The following LAPTM4B variants were observed in gnomAD, a reference collection of about 807,000 sequenced individuals.
LAPTM4B encodes the protein lysosomal protein transmembrane 4 beta.
LAPTM4B carries 26 observed loss-of-function variants against 28.5 expected under a neutral mutation model. The ratio of observed to expected loss-of-function variants is 0.91; its 90% confidence interval spans 0.67 to 1.27. The LOEUF (loss-of-function observed/expected upper bound fraction) is 1.27. Among genes scored for constraint, LAPTM4B ranks in the 50% most tolerant of loss-of-function variants. The pLI, the probability that LAPTM4B is intolerant of heterozygous loss-of-function variation, is 0.00. For synonymous variants in LAPTM4B, 109 were observed against 106.4 expected (o/e 1.02, Z -0.15); for missense variants, 288 against 285.8 (o/e 1.01, Z -0.06).
At chr8:97,815,492 G>A in intron 3 of LAPTM4B, 91 bp downstream of exon 3, 1 of 877,776 alleles carries the variant, frequency 1.1e-6, no homozygotes. Flanking sequence ...TGACTTTCCA[G>A]TTTTCTGTTA....
chr8:97,838,996 C>T (rs1003183988), intron 6 of LAPTM4B, among the ~76,000 whole-genome samples: 2 of 152,184 alleles, frequency 1.3e-5, no homozygotes, highest in East Asian at 1.9e-4. Flanking sequence ...GTCATATGCG[C>T]ATACAGCTTC....
chr8:97,795,278 A>AT (rs541717158), intron 1 of LAPTM4B, among the ~76,000 whole-genome samples: 6 of 151,744 alleles, frequency 4.0e-5, no homozygotes, highest in Admixed American at 3.9e-4. Flanking sequence ...TATTATTATT[A>AT]TTTGTCTCAT....
At chr8:97,797,291 C>T (rs759162665) in intron 1 of LAPTM4B, among the ~76,000 whole-genome samples, 5 of 152,056 alleles carry the variant, frequency 3.3e-5, no homozygotes. Flanking sequence ...TGCGCCACCA[C>T]GCACGGCTAA....
chr8:97,796,481 ATTTG>A (rs1816586032), intron 1 of LAPTM4B, among the ~76,000 whole-genome samples: 1 of 152,132 alleles, frequency 6.6e-6, no homozygotes, highest in Non-Finnish European at 1.5e-5. Context: ...GCCTGGACAG[ATTTG>A]TTTATTATTG....
chr8:97,824,044 G>A (rs1817054742), intron 5 of LAPTM4B, among the ~76,000 whole-genome samples: 1 of 152,036 alleles, frequency 6.6e-6, no homozygotes, highest in South Asian at 2.1e-4. Flanking sequence ...TTGTATGGAT[G>A]GTGCCACATT....
rs1340031719 is a variant in LAPTM4B, at chr8:97,852,035, T to C, written c.*561T>C. 1.3e-5 allele frequency: 2 copies of C among 154,826 alleles called. No individual in the cohort carries two copies. Among genetic ancestry groups the C allele is most frequent in the African/African-American group, 4.8e-5 (2 of 41,454 alleles). 9.6% of individuals were successfully genotyped at this position (154,826 alleles called of 1,614,324 possible). On this transcript the variant is annotated 3_prime_UTR_variant, in exon 7 of 7. Transcript: ENST00000521545. ...GTTTGTGTTTGGTGGTAAAGGATTT[T>C]CTCCATGGCCTGAATTAAGACCATT...
At chr8:97,826,528 C>T (rs1653044146) in intron 6 of LAPTM4B, among the ~76,000 whole-genome samples, 1 of 84,632 alleles carries the variant, frequency 1.2e-5, no homozygotes, top group African/African-American at 4.1e-5. Context: ...ATTTGTTTTA[C>T]CCATTAACTT....
intron 5 of LAPTM4B, among the ~76,000 whole-genome samples, chr8:97,821,036 G>A (rs1484586222): frequency 1.4e-5 from 2 of 146,648 alleles, no homozygotes; most frequent in Admixed American, 6.8e-5. Flanking sequence ...TGGGGACACC[G>A]TCTCTTAAAA....
At chr8:97,824,956 C>T in intron 5 of LAPTM4B, 102 bp from the exon 6 acceptor site, 1 of 666,466 alleles carries the variant, frequency 1.5e-6, no homozygotes, top group Non-Finnish European at 2.7e-6. Flanking sequence ...GCATTTATTG[C>T]TTATGTCAAT....
intron 6 of LAPTM4B, among the ~76,000 whole-genome samples, chr8:97,841,744 CCT>C (rs1486933659): frequency 1.3e-5 from 2 of 152,156 alleles, no homozygotes; most frequent in African/African-American, 4.8e-5. Context: ...TCTCCCCTTC[CCT>C]GTTTGGCTTA....
intron 6 of LAPTM4B, among the ~76,000 whole-genome samples, chr8:97,825,730 A>G (rs1817081724): frequency 6.6e-6 from 1 of 152,254 alleles, no homozygotes; most frequent in Admixed American, 6.5e-5. Flanking sequence ...CCATGAAAAC[A>G]TATGCACTTT....
intron 6 of LAPTM4B, among the ~76,000 whole-genome samples, chr8:97,841,124 G>A (rs146188199): frequency 1.0e-3 from 151 of 150,986 alleles, no homozygotes; most frequent in African/African-American, 3.0e-3. Context: ...GCCGGGCAGA[G>A]GGGCTCCTCA....
At chr8:97,814,350 A>G (rs937849620) in intron 2 of LAPTM4B, among the ~76,000 whole-genome samples, 1 of 152,068 alleles carries the variant, frequency 6.6e-6, no homozygotes, top group African/African-American at 2.4e-5. Flanking sequence ...GTCTCTACTA[A>G]AAATATAAAA....
At chr8:97,820,402 C>CA (rs1253835198) in intron 5 of LAPTM4B, among the ~76,000 whole-genome samples, 2 of 150,128 alleles carry the variant, frequency 1.3e-5, no homozygotes, top group African/African-American at 4.9e-5. Context: ...TGAACCACTG[C>CA]ACCCAGCATA....
chr8:97,819,773 C>T (rs182506906), intron 5 of LAPTM4B, among the ~76,000 whole-genome samples: 82 of 131,174 alleles, frequency 6.3e-4, no homozygotes, highest in African/African-American at 2.1e-3. Flanking sequence ...CTCGCTCTGT[C>T]GCCCAGGTTG....
intron 1 of LAPTM4B, among the ~76,000 whole-genome samples, chr8:97,802,042 T>G (rs1274972031): frequency 6.6e-6 from 1 of 152,216 alleles, no homozygotes; most frequent in Non-Finnish European, 1.5e-5. Flanking sequence ...TGAAATTTCT[T>G]GGATCTTTGG....
At chr8:97,822,876 CTG>C (rs1334842128) in intron 5 of LAPTM4B, among the ~76,000 whole-genome samples, 1 of 151,962 alleles carries the variant, frequency 6.6e-6, no homozygotes, top group East Asian at 1.9e-4. Flanking sequence ...GAGTGTCACT[CTG>C]TCACCCAGGC....
intron 6 of LAPTM4B, among the ~76,000 whole-genome samples, chr8:97,848,484 G>GAA (rs144538894): frequency 6.7e-6 from 1 of 149,098 alleles, no homozygotes; most frequent in African/African-American, 2.5e-5. Flanking sequence ...GTTTTGCCTA[G>GAA]AAAAAAAAAT....
At chr8:97,816,748 A>G (rs1816922729) in intron 4 of LAPTM4B, among the ~76,000 whole-genome samples, 1 of 152,152 alleles carries the variant, frequency 6.6e-6, no homozygotes, top group Non-Finnish European at 1.5e-5. Flanking sequence ...TGCCTTTGCT[A>G]GTGTGTTGAA....
Sources: gnomAD v4.1 joint callset for allele counts (sites outside exome capture counted in the v4.1 genomes callset) on GRCh38, gnomAD v4.1.1 for gene constraint, MANE v1.5 for transcripts, NCBI Gene and HGNC (gene_info 2026-07-23, HGNC 2026-07-21) for gene names.